Variants in BPNT1 observed in about 807,000 individuals in gnomAD.
BPNT1 encodes the protein 3'(2'),5'-bisphosphate nucleotidase 1.
A neutral mutation model predicts 36.9 loss-of-function variants in BPNT1; 28 were observed. The ratio of observed to expected loss-of-function variants is 0.76; its 90% CI spans 0.56 to 1.04. The LOEUF is 1.04. BPNT1 is among the 50% of genes least tolerant of loss of function. The pLI, the probability that BPNT1 is intolerant of heterozygous loss-of-function variation, is 0.00. For missense variants in BPNT1, 313 were observed against 372.9 expected (o/e 0.84, Z 1.32); for synonymous variants, 119 against 130.9 (o/e 0.91, Z 0.62).
chr1:220,062,907 AC>A lies in BPNT1; in HGVS notation c.521del (p.Gly174ValfsTer2). ...TCAGCTGAAACCCAAAGGCGCCTAA[AC>A]CTAAAACTCCCCAGATTGTCCTCCC... is the stretch of plus-strand genomic sequence containing the variant. ...VLGRTIWGVL[G>X]LGAFGFQLKE... On this transcript the variant is annotated frameshift_variant, in exon 7 of 9. Coordinates refer to ENST00000322067, the MANE Select transcript of BPNT1 (RefSeq NM_006085.6). LOFTEE classifies it high-confidence loss of function. 1 of 1,614,050 alleles carries A rather than the reference AC, an allele frequency of 6.2e-7. No individual in the cohort carries two copies. The highest frequency in any genetic ancestry group is 8.5e-7 in the Non-Finnish European group (1 of 1,180,004).
At chr1:220,071,466 G>T (rs559991102) in intron 4 of BPNT1, among the ~76,000 whole-genome samples, 1 of 152,000 alleles carries the variant, frequency 6.6e-6, no homozygotes, top group Non-Finnish European at 1.5e-5. Flanking sequence ...CTTCCTAAAA[G>T]TATTTATTTA....
intron 4 of BPNT1, among the ~76,000 whole-genome samples, chr1:220,070,673 AG>A (rs777919006): frequency 4.6e-5 from 7 of 151,214 alleles, no homozygotes; most frequent in Admixed American, 6.6e-5. Context: ...CATGTTGGCC[AG>A]AATGGTCTTG....
intron 5 of BPNT1, among the ~76,000 whole-genome samples, chr1:220,069,065 C>G (rs761777347): frequency 2.0e-5 from 3 of 152,058 alleles, no homozygotes; most frequent in Non-Finnish European, 4.4e-5. Flanking sequence ...TACTCGTTAT[C>G]GTTTTTCTAC....
intron 2 of BPNT1, among the ~76,000 whole-genome samples, chr1:220,075,725 C>T (rs1664485226): frequency 6.6e-6 from 1 of 152,190 alleles, no homozygotes; most frequent in Admixed American, 6.5e-5. Context: ...CAGACATCAT[C>T]ATTGGAACCT....
chr1:220,068,264 A>G (rs879940352), intron 5 of BPNT1, among the ~76,000 whole-genome samples: 5 of 151,788 alleles, frequency 3.3e-5, no homozygotes, highest in African/African-American at 4.8e-5. Context: ...GCTCACTGCA[A>G]CCTCTGTCTT....
chr1:220,079,804 C>A lies in BPNT1; in HGVS notation c.43G>T (p.Ala15Ser). The change falls in exon 2 of 9, where the codon GCA (alanine) becomes TCA (serine). Residue 15 changes from alanine (A) to serine (S), a missense_variant. Physicochemically the swap from Ala to Ser is moderately conservative, Grantham distance 99. Transcript: ENST00000322067. ...CCTGCCTTTTGAGCAATAGAATATG[C>A]GGAGGCTACCAACCGCATCAACACA... ...NTVLMRLVAS[A>S]YSIAQKAGMI... is the part of the protein sequence containing the mutation. 1 of 1,613,662 alleles carries A rather than the reference C, an allele frequency of 6.2e-7. No homozygotes were observed. Among genetic ancestry groups the A allele is most frequent in the Non-Finnish European group, 8.5e-7 (1 of 1,179,848 alleles).
At chr1:220,072,783 T>C (rs1664184089) in intron 4 of BPNT1, 67 bp downstream of exon 4, 1 of 1,309,256 alleles carries the variant, frequency 7.6e-7, no homozygotes, top group African/African-American at 1.5e-5. Flanking sequence ...TACATGCAAA[T>C]ATTATTTCCT....
chr1:220,059,823 A>G lies in BPNT1; in HGVS notation c.673-32T>C, dbSNP rs753119276. On this transcript the variant is annotated intron_variant, in intron 7 of 8. Coordinates refer to ENST00000322067, the MANE Select transcript of BPNT1 (RefSeq NM_006085.6). ...GGGTAAAAATAAGAATTATCCTTTGATAATAGAAAGAATAATTGAAAGTCA... is the reference window on the plus strand; with the variant it reads ...GGGTAAAAATAAGAATTATCCTTTGGTAATAGAAAGAATAATTGAAAGTCA... 2.9e-5 allele frequency: 42 copies of G among 1,463,262 alleles called. No individual in the cohort carries two copies. In the African/African-American group the frequency reaches 5.3e-4, roughly 18 times the overall value. 90.6% of individuals were successfully genotyped at this position (1,463,262 alleles called of 1,614,324 possible).
At chr1:220,068,091 TA>T in intron 5 of BPNT1, among the ~76,000 whole-genome samples, 2 of 152,306 alleles carry the variant, frequency 1.3e-5, no homozygotes, top group East Asian at 3.9e-4. Context: ...TTCTAGTAAT[TA>T]TGATAAATTT....
chr1:220,067,521 T>C, intron 5 of BPNT1, 128 bp from the exon 6 acceptor site: 1 of 525,528 alleles, frequency 1.9e-6, no homozygotes. Context: ...CCGTGATCAA[T>C]CCTATTTATA....
Position 220,069,449 on chromosome 1 carries a change from AGAAG to A in BPNT1, c.334-21_334-18del, listed in dbSNP as rs765172278. The A allele has an allele frequency of 6.3e-7, 1 of 1,594,740 alleles. No homozygotes were observed. Among genetic ancestry groups the A allele is most frequent in the African/African-American group, 1.3e-5 (1 of 74,212 alleles). Reference sequence around the variant, plus strand: ...GACCACGAGCTAAAATTAAAAAGAGAGAAGGAAAATATCTAAATCAAGCACACAA... The same window carrying A: ...GACCACGAGCTAAAATTAAAAAGAGAGAAAATATCTAAATCAAGCACACAA... On this transcript the variant is annotated intron_variant, in intron 4 of 8. Coordinates refer to ENST00000322067, the MANE Select transcript of BPNT1 (RefSeq NM_006085.6).
At chr1:220,059,640 A>G (rs1375863095) in intron 8 of BPNT1, 46 bp downstream of exon 8, 3 of 1,346,640 alleles carry the variant, frequency 2.2e-6, no homozygotes, top group African/African-American at 2.9e-5. Flanking sequence ...TTAGCATGAT[A>G]TAATTGTAGA....
At chr1:220,077,512 C>T (rs536957080) in intron 2 of BPNT1, among the ~76,000 whole-genome samples, 15 of 152,092 alleles carry the variant, frequency 9.9e-5, no homozygotes, top group African/African-American at 3.4e-4. Context: ...GCAATTATCC[C>T]ACTTCAGCTT....
intron 4 of BPNT1, among the ~76,000 whole-genome samples, chr1:220,070,843 T>C (rs1046932462): frequency 6.6e-6 from 1 of 151,340 alleles, no homozygotes; most frequent in Admixed American, 6.6e-5. Context: ...AGGCCATAGA[T>C]GTATAGGTTT....
Position 220,072,842 on chromosome 1 carries a change from G to A in BPNT1, c.333+8C>T. The A allele has an allele frequency of 6.2e-7, 1 of 1,601,892 alleles. No homozygotes were observed. Among genetic ancestry groups the A allele is most frequent in the Non-Finnish European group, 8.6e-7 (1 of 1,169,024 alleles). ...TAATAGAGAGTTGAGTATAAATATG[G>A]GTCATACATCTTCTTCTTTAATAGC... On this transcript the variant is annotated splice_region_variant and intron_variant, in intron 4 of 8. Transcript: ENST00000322067.
At chr1:220,078,562 T>TATATA (rs370403113) in intron 2 of BPNT1, among the ~76,000 whole-genome samples, 9,792 of 143,774 alleles carry the variant, frequency 0.068, 456 homozygotes, top group South Asian at 0.14. Flanking sequence ...TATATAAATA[T>TATATA]AATATATATT....
At chr1:220,084,255 C>T (rs1209568267) in intron 1 of BPNT1, among the ~76,000 whole-genome samples, 1 of 151,746 alleles carries the variant, frequency 6.6e-6, no homozygotes, top group Non-Finnish European at 1.5e-5. Context: ...TGGCATGAAC[C>T]CGGGAGGTGG....
intron 1 of BPNT1, among the ~76,000 whole-genome samples, chr1:220,080,592 C>T (rs1448793818): frequency 2.0e-5 from 3 of 152,120 alleles, no homozygotes; most frequent in East Asian, 1.9e-4. Flanking sequence ...CCAAGCGAAG[C>T]GGGAGAGTCC....
In BPNT1 at chr1:220,070,228, G is replaced by A. The variant is rs187088362; in HGVS notation, c.334-796C>T. 3.2e-3 allele frequency among the ~76,000 whole-genome samples: 493 copies of A among 152,280 alleles called. 2 individuals carry two copies. Among genetic ancestry groups the A allele is most frequent in the African/African-American group, 0.011 (442 of 41,548 alleles). On this transcript the variant is annotated intron_variant, in intron 4 of 8. Transcript: ENST00000322067. ...CAGATTTAAAAGGAAAATTCCTTCTGTTTAGGACATTTAATATGATTCAGG... is the reference window on the plus strand; with the variant it reads ...CAGATTTAAAAGGAAAATTCCTTCTATTTAGGACATTTAATATGATTCAGG...
Sources: gnomAD v4.1 joint callset for allele counts (sites outside exome capture counted in the v4.1 genomes callset) on GRCh38, gnomAD v4.1.1 for gene constraint, MANE v1.5 for transcripts, NCBI Gene and HGNC (gene_info 2026-07-23, HGNC 2026-07-21) for gene names.